SLC29A3: variants seen among roughly 807,000 people sequenced by gnomAD.
SLC29A3 encodes the protein equilibrative nucleoside transporter 3.
SLC29A3 carries 18 observed loss-of-function variants against 25.4 expected under a neutral mutation model. The observed-to-expected ratio is 0.71, with a 90% CI of 0.49 to 1.05. The LOEUF (loss-of-function observed/expected upper bound fraction) is 1.05, where lower values mean the gene tolerates loss of function less well. Ranked by LOEUF, SLC29A3 falls within the 50% of genes least tolerant of loss-of-function variation. The pLI, the probability that SLC29A3 is intolerant of heterozygous loss-of-function variation, is 0.00. For missense variants in SLC29A3, 586 were observed against 609.0 expected (o/e 0.96, Z 0.40); for synonymous variants, 258 against 267.1 (o/e 0.97, Z 0.33).
chr10:71,374,762 C>T (rs925109592), intron 3 of SLC29A3, among the ~76,000 whole-genome samples: 2 of 152,192 alleles, frequency 1.3e-5, no homozygotes, highest in Admixed American at 6.5e-5. Flanking sequence ...TTGCCGCTAG[C>T]GTGTCATTAT....
intron 1 of SLC29A3, among the ~76,000 whole-genome samples, chr10:71,320,419 G>A (rs560432830): frequency 6.6e-6 from 1 of 152,292 alleles, no homozygotes; most frequent in South Asian, 2.1e-4. Flanking sequence ...GTTTCTCATG[G>A]ATCTGGAGGC....
At chr10:71,355,095 A>G (rs1226103622) in intron 4 of SLC29A3, among the ~76,000 whole-genome samples, 1 of 152,204 alleles carries the variant, frequency 6.6e-6, no homozygotes, top group African/African-American at 2.4e-5. Flanking sequence ...GTTGAAGTCT[A>G]CTGTGTGCCA....
intron 3 of SLC29A3, among the ~76,000 whole-genome samples, chr10:71,347,795 ACCT>A (rs1846632096): frequency 1.3e-5 from 2 of 151,756 alleles, no homozygotes; most frequent in African/African-American, 4.8e-5. Context: ...TTTGGTATTG[ACCT>A]CCTCCTCTCT....
At chr10:71,324,922 G>C (rs1046507800) in intron 2 of SLC29A3, among the ~76,000 whole-genome samples, 4 of 152,216 alleles carry the variant, frequency 2.6e-5, no homozygotes, top group Admixed American at 2.0e-4. Flanking sequence ...AGAGGAGCCT[G>C]ACGAAAGTTA....
intron 3 of SLC29A3, among the ~76,000 whole-genome samples, chr10:71,372,788 C>A (rs1847220777): frequency 6.6e-6 from 1 of 152,142 alleles, no homozygotes; most frequent in African/African-American, 2.4e-5. Flanking sequence ...TTTTAAGTGC[C>A]AAGCTCATCT....
chr10:71,357,916 G>GT (rs1846957102), intron 5 of SLC29A3, among the ~76,000 whole-genome samples: 1 of 152,248 alleles, frequency 6.6e-6, no homozygotes, highest in Non-Finnish European at 1.5e-5. Flanking sequence ...TGCCAGGTGC[G>GT]TTAGCCAGCA....
At chr10:71,347,320 G>A (rs1250823388) in intron 3 of SLC29A3, among the ~76,000 whole-genome samples, 2 of 152,146 alleles carry the variant, frequency 1.3e-5, no homozygotes, top group African/African-American at 4.8e-5. Context: ...CACGAGTCAG[G>A]GAGTCGGGGG....
At chr10:71,345,122 G>T (rs946087354) in intron 3 of SLC29A3, among the ~76,000 whole-genome samples, 2 of 152,166 alleles carry the variant, frequency 1.3e-5, no homozygotes, top group Admixed American at 6.5e-5. Context: ...AGGAGAGAGG[G>T]CACCACGAGT....
intron 3 of SLC29A3, among the ~76,000 whole-genome samples, chr10:71,372,519 T>C (rs1216275928): frequency 6.6e-6 from 1 of 152,158 alleles, no homozygotes; most frequent in Non-Finnish European, 1.5e-5. Context: ...TGAGAATTTG[T>C]AGTTCCAACA....
At chr10:71,327,872 A>G (rs987984087) in intron 2 of SLC29A3, among the ~76,000 whole-genome samples, 2 of 151,910 alleles carry the variant, frequency 1.3e-5, no homozygotes, top group African/African-American at 4.8e-5. Flanking sequence ...TGACCTGTTT[A>G]GCTGGAGGTC....
At chr10:71,354,394 T>G (rs1846841781) in intron 4 of SLC29A3, among the ~76,000 whole-genome samples, 1 of 152,198 alleles carries the variant, frequency 6.6e-6, no homozygotes, top group Non-Finnish European at 1.5e-5. Flanking sequence ...ATTACAGTGC[T>G]AATTTTTATA....
At position 71,333,128 on chromosome 10, in the gene SLC29A3, G is replaced by A. The variant is rs1232124486; in HGVS notation, c.300+10074G>A. ...TTGATATCACAAGTGTCCAGAGAGCGGAACCTAAATTAGAGTCTCCACCAA... is the reference window on the plus strand; with the variant it reads ...TTGATATCACAAGTGTCCAGAGAGCAGAACCTAAATTAGAGTCTCCACCAA... On this transcript the variant is annotated intron_variant, in intron 2 of 5. Coordinates refer to ENST00000373189, the MANE Select transcript of SLC29A3 (RefSeq NM_018344.6). Among the ~76,000 whole-genome samples the A allele has an allele frequency of 2.6e-5, 4 of 152,204 alleles. No homozygotes were observed. In the East Asian group the frequency reaches 7.7e-4, roughly 29 times the overall value.
intron 1 of SLC29A3, 79 bp from the exon 2 acceptor site, chr10:71,322,677 C>G (rs1845874026): frequency 1.9e-6 from 3 of 1,549,626 alleles, no homozygotes; most frequent in Non-Finnish European, 2.7e-6. Context: ...ATTTTGTAGG[C>G]TGGGTGGGTC....
At chr10:71,330,679 G>C (rs1434254212) in intron 2 of SLC29A3, among the ~76,000 whole-genome samples, 1 of 152,222 alleles carries the variant, frequency 6.6e-6, no homozygotes, top group Non-Finnish European at 1.5e-5. Flanking sequence ...TGACAGTTAT[G>C]GTGTGCCTTA....
rs970085555 is a variant in SLC29A3, at chr10:71,374,905, A to C, written c.*95-790A>C. On this transcript the variant is annotated intron_variant and NMD_transcript_variant, in intron 3 of 4. Transcript: ENST00000642772. ...TCAAGCCTCTCCTGCTCCAGAAAGTAAGATGAGAATAGCTGCTCCCCGCTT... is the reference window on the plus strand; with the variant it reads ...TCAAGCCTCTCCTGCTCCAGAAAGTCAGATGAGAATAGCTGCTCCCCGCTT... Among the ~76,000 whole-genome samples the C allele has an allele frequency of 2.0e-5, 3 of 152,230 alleles. No individual in the cohort carries two copies. In the East Asian group the frequency reaches 5.8e-4, roughly 29 times the overall value.
At chr10:71,329,822 T>G (rs1277548669) in intron 2 of SLC29A3, among the ~76,000 whole-genome samples, 1 of 152,160 alleles carries the variant, frequency 6.6e-6, no homozygotes, top group Non-Finnish European at 1.5e-5. Flanking sequence ...ATTAACCCAT[T>G]AAACAGGCAA....
chr10:71,328,021 C>T (rs10999776), intron 2 of SLC29A3, among the ~76,000 whole-genome samples: 60,345 of 151,960 alleles, frequency 0.4, 13,683 homozygotes, highest in African/African-American at 0.63. Flanking sequence ...CTTCCTACCC[C>T]GGAGAGAAGA....
chr10:71,367,814 C>T (rs1847181872), downstream of SLC29A3, among the ~76,000 whole-genome samples: 1 of 152,180 alleles, frequency 6.6e-6, no homozygotes, highest in Admixed American at 6.5e-5. Flanking sequence ...CAGCATAGGG[C>T]CAAGGAATTA....
chr10:71,368,660 A>G (rs1847187890), intron 3 of SLC29A3, among the ~76,000 whole-genome samples: 1 of 152,252 alleles, frequency 6.6e-6, no homozygotes, highest in East Asian at 1.9e-4. Flanking sequence ...TGGGCACCCC[A>G]CTACCCATTC....
Sources: allele counts gnomAD v4.1 joint callset (sites outside exome capture counted in the v4.1 genomes callset), GRCh38; gene constraint gnomAD v4.1.1; transcripts MANE v1.5; gene names NCBI Gene and HGNC (gene_info 2026-07-23, HGNC 2026-07-21).